The following SPAG16 variants were observed in gnomAD, a reference collection of about 807,000 sequenced individuals.
SPAG16 encodes sperm-associated antigen 16 protein.
Under a neutral mutation model 80.4 loss-of-function variants are expected in SPAG16, and 86 were observed. The observed-to-expected ratio is 1.07, with a 90% CI of 0.90 to 1.28. SPAG16 has a LOEUF of 1.28. Ranked by LOEUF, SPAG16 falls within the 50% of genes most tolerant of loss-of-function variation. SPAG16 has a pLI of 0.00. For missense variants in SPAG16, 870 were observed against 765.3 expected, an observed-to-expected ratio of 1.14 and a Z score of -1.61; for synonymous variants, 294 against 265.9, an observed-to-expected ratio of 1.11 and a Z score of -1.03.
intron 10 of SPAG16, among the ~76,000 whole-genome samples, chr2:213,663,139 G>C (rs2063484227): frequency 1.3e-5 from 2 of 152,036 alleles, no homozygotes; most frequent in South Asian, 4.1e-4. Context: ...GATCAGATCT[G>C]TTGAGCTGTG....
chr2:213,828,343 T>C (rs2073423659), intron 10 of SPAG16, among the ~76,000 whole-genome samples: 1 of 152,220 alleles, frequency 6.6e-6, no homozygotes, highest in Admixed American at 6.5e-5. Context: ...AGTTGCATTT[T>C]TCAACTCCAG....
chr2:214,245,558 A>T (rs1689782105), intron 15 of SPAG16, among the ~76,000 whole-genome samples: 2 of 152,210 alleles, frequency 1.3e-5, no homozygotes, highest in Admixed American at 1.3e-4. Context: ...AAATAGTCTG[A>T]AACATTTTTT....
intron 10 of SPAG16, among the ~76,000 whole-genome samples, chr2:213,737,629 A>G (rs2067348676): frequency 6.6e-6 from 1 of 151,610 alleles, no homozygotes; most frequent in Admixed American, 6.6e-5. Context: ...CTGGGACTAT[A>G]GGCGCCCGCC....
In SPAG16 at chr2:213,980,725, T is replaced by TATATAGAGAGAGAGAGAGAG. The variant is rs374274176; in HGVS notation, c.1401-33225_1401-33224insTATAGAGAGAGAGAGAGAGA. Among the ~76,000 whole-genome samples, 96 of 103,984 alleles carry TATATAGAGAGAGAGAGAGAG rather than the reference T, an allele frequency of 9.2e-4. 2 individuals are homozygous for TATATAGAGAGAGAGAGAGAG. Among genetic ancestry groups the TATATAGAGAGAGAGAGAGAG allele is most frequent in the African/African-American group, 4.2e-3 (85 of 20,082 alleles). 68.2% of individuals were successfully genotyped at this position (103,984 alleles called of 152,430 possible). On this transcript the variant is annotated intron_variant, in intron 12 of 15. Coordinates refer to ENST00000331683, the MANE Select transcript of SPAG16 (RefSeq NM_024532.5). ...GTGTGTGTGTGTGTATATATATATA[T>TATATAGAGAGAGAGAGAGAG]AGAGAGAGAGAGAGAGAGAGAGAGA...
At chr2:214,238,118 A>C (rs1483473585) in intron 15 of SPAG16, 1 of 407,730 alleles carries the variant, frequency 2.5e-6, no homozygotes. Context: ...TTAATCATAC[A>C]ATTTGCTTTT....
intron 10 of SPAG16, among the ~76,000 whole-genome samples, chr2:213,801,929 T>C (rs1291386400): frequency 6.6e-6 from 1 of 152,214 alleles, no homozygotes; most frequent in Non-Finnish European, 1.5e-5. Flanking sequence ...TGAAACACTT[T>C]ATAAACGCCA....
chr2:213,591,301 A>G (rs969929641), intron 10 of SPAG16, among the ~76,000 whole-genome samples: 2 of 152,148 alleles, frequency 1.3e-5, no homozygotes, highest in Admixed American at 1.3e-4. Context: ...GAAAAATTTT[A>G]ATAGTCATTC....
At chr2:213,683,116 C>G (rs369732583) in intron 10 of SPAG16, among the ~76,000 whole-genome samples, 1 of 152,142 alleles carries the variant, frequency 6.6e-6, no homozygotes, top group East Asian at 1.9e-4. Flanking sequence ...TGATTAAACA[C>G]AGCTCTTGAT....
At chr2:213,990,996 AT>A (rs753547790) in intron 12 of SPAG16, among the ~76,000 whole-genome samples, 20 of 150,918 alleles carry the variant, frequency 1.3e-4, no homozygotes, top group East Asian at 5.9e-4. Flanking sequence ...AAATCCACTT[AT>A]TTTTTTTTCT....
intron 11 of SPAG16, among the ~76,000 whole-genome samples, chr2:213,864,972 A>G (rs1441677538): frequency 1.3e-5 from 2 of 152,076 alleles, no homozygotes; most frequent in African/African-American, 4.8e-5. Context: ...GAATCCAGCT[A>G]ATATGATGTC....
intron 9 of SPAG16, among the ~76,000 whole-genome samples, chr2:213,423,163 CT>C (rs1258993776): frequency 2.0e-5 from 3 of 152,186 alleles, no homozygotes; most frequent in Non-Finnish European, 2.9e-5. Flanking sequence ...CAAATGATCT[CT>C]TATTTTATGA....
chr2:214,230,564 T>G (rs555004700), intron 15 of SPAG16, among the ~76,000 whole-genome samples: 59 of 152,124 alleles, frequency 3.9e-4, no homozygotes, highest in African/African-American at 1.4e-3. Flanking sequence ...CATAAATAAT[T>G]GGATATTTAT....
Position 214,095,948 on chromosome 2 carries a change from T to C in SPAG16, c.1528-12248T>C, listed in dbSNP as rs938303734. ...CCCTATTAAAAATAATAATAGTATA[T>C]ATATCCTAAAGCAGGCAGTAAAGTC... On this transcript the variant is annotated intron_variant, in intron 13 of 15. Transcript: ENST00000331683. Among the ~76,000 whole-genome samples the C allele has an allele frequency of 2.0e-5, 3 of 152,074 alleles. No homozygotes were observed. In the Middle Eastern group the frequency reaches 0.01, roughly 517 times the overall value.
At chr2:213,594,102 A>T (rs2060805789) in intron 10 of SPAG16, among the ~76,000 whole-genome samples, 1 of 150,710 alleles carries the variant, frequency 6.6e-6, no homozygotes, top group East Asian at 2.0e-4. Flanking sequence ...TTAAACTTCA[A>T]CTCTTTAGCT....
chr2:214,109,924 G>T (rs538628597), intron 14 of SPAG16, among the ~76,000 whole-genome samples: 1 of 152,064 alleles, frequency 6.6e-6, no homozygotes, highest in Non-Finnish European at 1.5e-5. Flanking sequence ...GAGCTGAAAT[G>T]AATAATATTT....
At chr2:213,994,026 A>T (rs1398289152) in intron 12 of SPAG16, among the ~76,000 whole-genome samples, 6 of 152,216 alleles carry the variant, frequency 3.9e-5, no homozygotes, top group Non-Finnish European at 8.8e-5. Flanking sequence ...TATGATTCTA[A>T]CAGATCGATT....
intron 10 of SPAG16, among the ~76,000 whole-genome samples, chr2:213,765,871 A>G (rs936295634): frequency 2.0e-5 from 3 of 152,190 alleles, no homozygotes; most frequent in Non-Finnish European, 4.4e-5. Flanking sequence ...TTAAGCAGCT[A>G]TGTAGATAGG....
chr2:214,119,354 CTTA>C (rs949415738), intron 14 of SPAG16, among the ~76,000 whole-genome samples: 5 of 151,970 alleles, frequency 3.3e-5, no homozygotes, highest in African/African-American at 2.4e-5. Flanking sequence ...ATAAAAGCTA[CTTA>C]TTAAGTCATT....
At chr2:213,991,859 G>GTTTATTTATTTATTTATTTA (rs35598286) in intron 12 of SPAG16, among the ~76,000 whole-genome samples, 11 of 144,894 alleles carry the variant, frequency 7.6e-5, no homozygotes, top group Middle Eastern at 3.2e-3. Context: ...ACAATTGAGA[G>GTTTATTTATTTATTTATTTA]TTTATTTATT....
Sources: gnomAD v4.1 joint callset for allele counts (sites outside exome capture counted in the v4.1 genomes callset) on GRCh38, gnomAD v4.1.1 for gene constraint, MANE v1.5 for transcripts, NCBI Gene and HGNC (gene_info 2026-07-23, HGNC 2026-07-21) for gene names.